ELFN1: variants seen among roughly 807,000 people sequenced by gnomAD.
ELFN1 encodes extracellular leucine rich repeat and fibronectin type III domain containing 1.
A neutral mutation model predicts 7.6 loss-of-function variants in ELFN1; 6 were observed. The observed-to-expected ratio is 0.79, with a 90% CI of 0.43 to 1.56. The LOEUF (loss-of-function observed/expected upper bound fraction) is 1.56. Ranked by LOEUF, ELFN1 falls within the 40% of genes most tolerant of loss-of-function variation. The probability of loss-of-function intolerance (pLI) is 0.01; values close to 1 mark genes in which losing one functional copy is unlikely to be tolerated. For synonymous variants in ELFN1, 657 were observed against 588.1 expected, an observed-to-expected ratio of 1.12 and a Z score of -1.70; for missense variants, 1,169 against 1,232.2, an observed-to-expected ratio of 0.95 and a Z score of 0.77.
At chr7:1,703,838 T>C (rs1487912970) in intron 2 of ELFN1, among the ~76,000 whole-genome samples, 1 of 152,192 alleles carries the variant, frequency 6.6e-6, no homozygotes, top group African/African-American at 2.4e-5. Context: ...TCTGTGTATG[T>C]TTGAGACTCG....
At chr7:1,719,510 T>G (rs1779952965) in intron 3 of ELFN1, among the ~76,000 whole-genome samples, 1 of 152,174 alleles carries the variant, frequency 6.6e-6, no homozygotes. Flanking sequence ...GACCCCTGTG[T>G]CTTAGACATG....
intron 1 of ELFN1, among the ~76,000 whole-genome samples, 155 bp from the exon 2 acceptor site, chr7:1,687,903 A>AT (rs957489282): frequency 2.0e-5 from 3 of 150,620 alleles, no homozygotes; most frequent in East Asian, 2.0e-4. Context: ...TTATTTGTTT[A>AT]TTTTTTTTAT....
Position 1,677,688 on chromosome 7 carries a change from C to T in ELFN1, c.-549+7334C>T, listed in dbSNP as rs145480704. On this transcript the variant is annotated intron_variant, in intron 1 of 3. Coordinates refer to ENST00000424383, the MANE Select transcript of ELFN1 (RefSeq NM_001128636.4). ...CCTCTTGGACACCACAGTGGGCAGC[C>T]GATGTGGGTTCATGAATGATCGTGG... Among the ~76,000 whole-genome samples, 205 of 152,190 alleles carry T rather than the reference C, an allele frequency of 1.3e-3. 1 individual carries two copies. Among genetic ancestry groups the T allele is most frequent in the Admixed American group, 4.1e-3 (63 of 15,294 alleles).
At position 1,746,084 on chromosome 7, in the gene ELFN1, C is replaced by A. The variant is rs1369347628; in HGVS notation, c.1488C>A (p.Arg496=). The change falls in exon 4 of 4, where the codon CGC becomes CGA. Residue 496 remains arginine, a synonymous_variant. Transcript: ENST00000424383. ...TGCTGGGCCCCGAGGCCGTGACGCG[C>A]ATCCCTTACCTGCCTGCGGCCGGCG... ...GPLLGPEAVT[R]IPYLPAAGEV... is the part of the protein sequence containing the mutation. 6.5e-7 allele frequency: 1 copy of A among 1,547,034 alleles called. No individual in the cohort carries two copies. The highest frequency in any genetic ancestry group is 8.7e-7 in the Non-Finnish European group (1 of 1,145,084).
chr7:1,722,551 G>A (rs904517946), intron 3 of ELFN1, among the ~76,000 whole-genome samples: 14 of 151,844 alleles, frequency 9.2e-5, no homozygotes, highest in Admixed American at 6.6e-4. Context: ...GATTACAGGT[G>A]TGAGCCACCG....
chr7:1,668,564 G>A (rs1778706197), upstream of ELFN1, among the ~76,000 whole-genome samples: 1 of 152,246 alleles, frequency 6.6e-6, no homozygotes, highest in Non-Finnish European at 1.5e-5. Flanking sequence ...AGCTTACTGG[G>A]ACCTTCCAAG....
At chr7:1,720,620 T>G (rs1002555421) in intron 3 of ELFN1, among the ~76,000 whole-genome samples, 5 of 152,314 alleles carry the variant, frequency 3.3e-5, no homozygotes, top group Non-Finnish European at 5.9e-5. Context: ...CTCAGCAGGT[T>G]GTGATGCCTT....
At chr7:1,736,590 G>A (rs1205372402) in intron 3 of ELFN1, among the ~76,000 whole-genome samples, 3 of 152,216 alleles carry the variant, frequency 2.0e-5, no homozygotes, top group Non-Finnish European at 1.5e-5. Context: ...ATCGTCCCCT[G>A]GGGGACAGCG....
intron 1 of ELFN1, among the ~76,000 whole-genome samples, chr7:1,678,256 G>A (rs1246375195): frequency 6.6e-6 from 1 of 152,120 alleles, no homozygotes; most frequent in Non-Finnish European, 1.5e-5. Flanking sequence ...CACACCATGG[G>A]GTCCTGGAGT....
chr7:1,737,373 G>C (rs1780478550), intron 3 of ELFN1, among the ~76,000 whole-genome samples: 1 of 152,084 alleles, frequency 6.6e-6, no homozygotes, highest in East Asian at 1.9e-4. Context: ...GGACCCTCCT[G>C]CTCCGGGTCT....
chr7:1,697,676 C>G (rs954039238), intron 2 of ELFN1, among the ~76,000 whole-genome samples: 3 of 152,334 alleles, frequency 2.0e-5, no homozygotes, highest in African/African-American at 4.8e-5. Flanking sequence ...TTCCTGCCCC[C>G]ACCCCTCCTC....
chr7:1,711,006 C>T (rs900295404), intron 3 of ELFN1, among the ~76,000 whole-genome samples: 17 of 152,320 alleles, frequency 1.1e-4, no homozygotes, highest in East Asian at 3.9e-4. Context: ...GAGTTCCCTG[C>T]GGCACAGTGG....
Position 1,745,893 on chromosome 7 carries a change from C to A in ELFN1, c.1297C>A (p.Leu433Met). ...LGCLFGMVLV[L>M]GAVYYCLRRR... ...CTGCCTCTTCGGCATGGTGCTGGTG[C>A]TGGGCGCCGTCTACTACTGCCTGCG... The change falls in exon 4 of 4, where the codon CTG (leucine) becomes ATG (methionine). Residue 433 changes from leucine to methionine, a missense_variant. Coordinates refer to ENST00000424383, the MANE Select transcript of ELFN1 (RefSeq NM_001128636.4). 1 of 1,589,334 alleles carries A rather than the reference C, an allele frequency of 6.3e-7. No individual in the cohort carries two copies. Among genetic ancestry groups the A allele is most frequent in the East Asian group, 2.3e-5 (1 of 43,586 alleles).
At chr7:1,715,528 A>G (rs1015986271) in intron 3 of ELFN1, among the ~76,000 whole-genome samples, 1 of 152,044 alleles carries the variant, frequency 6.6e-6, no homozygotes, top group Non-Finnish European at 1.5e-5. Context: ...CCTCCCCAGC[A>G]CCTGGGTCTC....
At chr7:1,666,458 A>G (rs1221015537), upstream of ELFN1, among the ~76,000 whole-genome samples, 3 of 151,774 alleles carry the variant, frequency 2.0e-5, no homozygotes, top group South Asian at 6.2e-4. This position sits in a 1 kb window ranked among gnomAD's most constrained non-coding sequence, Gnocchi z 7.9. Context: ...CCACCCACCC[A>G]GGTTCGGAGG....
Position 1,673,514 on chromosome 7 carries a change from C to T in ELFN1, c.-549+3160C>T, listed in dbSNP as rs1184449606. 2.6e-5 allele frequency among the ~76,000 whole-genome samples: 4 copies of T among 152,176 alleles called. No individual in the cohort carries two copies. Among genetic ancestry groups the T allele is most frequent in the East Asian group, 3.9e-4 (2 of 5,190 alleles). Reference sequence around the variant, plus strand: ...CTCCCCGCCCCCTGCCCCGGATGTCCCTTTCCCAAGGCTGGTGGATTGAGA... The same window carrying T: ...CTCCCCGCCCCCTGCCCCGGATGTCTCTTTCCCAAGGCTGGTGGATTGAGA... On this transcript the variant is annotated intron_variant, in intron 1 of 3. Transcript: ENST00000424383. The surrounding 1 kb of genome is among the most constrained non-coding windows in gnomAD (Gnocchi z 4.7).
intron 3 of ELFN1, among the ~76,000 whole-genome samples, chr7:1,714,437 C>A (rs1159637856): frequency 6.6e-6 from 1 of 152,210 alleles, no homozygotes; most frequent in Admixed American, 6.5e-5. Flanking sequence ...TCCTCTAAAT[C>A]CATTCAGTTT....
intron 2 of ELFN1, among the ~76,000 whole-genome samples, chr7:1,702,151 G>A (rs1355006408): frequency 1.3e-5 from 2 of 152,156 alleles, no homozygotes; most frequent in Non-Finnish European, 2.9e-5. Context: ...TCGGCCGGGT[G>A]CAGTGGCTCA....
At chr7:1,721,790 C>T (rs1358555792) in intron 3 of ELFN1, among the ~76,000 whole-genome samples, 1 of 152,186 alleles carries the variant, frequency 6.6e-6, no homozygotes, top group African/African-American at 2.4e-5. Flanking sequence ...TACCCCTGCC[C>T]ATGGCAGAGG....
Sources: allele counts gnomAD v4.1 joint callset (sites outside exome capture counted in the v4.1 genomes callset), GRCh38; gene constraint gnomAD v4.1.1; non-coding constraint Gnocchi (gnomAD v3.1); transcripts MANE v1.5; gene names NCBI Gene and HGNC (gene_info 2026-07-23, HGNC 2026-07-21).